The following CPNE4 variants were observed in gnomAD, a reference collection of about 807,000 sequenced individuals.
CPNE4 encodes copine 4, also known as copine-4.
CPNE4 carries 25 observed loss-of-function variants against 67.9 expected under a neutral mutation model. That is an observed-to-expected ratio of 0.37 (90% CI 0.27 to 0.51). The LOEUF is 0.51. Among genes scored for constraint, CPNE4 ranks in the 20% least tolerant of loss-of-function variants. The pLI is 0.93. For synonymous variants in CPNE4, 242 were observed against 244.9 expected, an observed-to-expected ratio of 0.99 and a Z score of 0.11; for missense variants, 464 against 690.8, an observed-to-expected ratio of 0.67 and a Z score of 3.68.
chr3:131,958,378 G>A (rs2107911319), intron 1 of CPNE4, among the ~76,000 whole-genome samples: 1 of 152,198 alleles, frequency 6.6e-6, no homozygotes, highest in African/African-American at 2.4e-5. Flanking sequence ...ACCAGCTGCA[G>A]CAGCATCACT....
At chr3:131,823,734 T>C (rs1283232414) in intron 2 of CPNE4, among the ~76,000 whole-genome samples, 1 of 152,200 alleles carries the variant, frequency 6.6e-6, no homozygotes, top group African/African-American at 2.4e-5. Context: ...TATTTAAAGA[T>C]AAGCATACGC....
Position 132,002,950 on chromosome 3 carries a change from C to A in CPNE4, c.-2+31617G>T, listed in dbSNP as rs181287413. On this transcript the variant is annotated intron_variant, in intron 1 of 15. Coordinates refer to ENST00000429747, the MANE Select transcript of CPNE4 (RefSeq NM_130808.3). The stretch of plus-strand genomic sequence containing the variant: ...CTTAGATCAGCAGCCTCAGCATTAC[C>A]TGGAACCTGAGTAGAAATGCAGAAT... Among the ~76,000 whole-genome samples the A allele has an allele frequency of 2.7e-3, 417 of 152,220 alleles. 2 individuals carry two copies. The highest frequency in any genetic ancestry group is 4.3e-3 in the Non-Finnish European group (291 of 68,010).
intron 7 of CPNE4, among the ~76,000 whole-genome samples, chr3:131,602,931 G>T (rs16837219): frequency 0.13 from 20,208 of 152,112 alleles, 1,923 homozygotes; most frequent in African/African-American, 0.26. Context: ...TACTCAATAA[G>T]GCAGAATAGA....
chr3:131,739,373 A>T (rs2082308946), intron 2 of CPNE4, among the ~76,000 whole-genome samples: 3 of 152,156 alleles, frequency 2.0e-5, no homozygotes, highest in Admixed American at 1.3e-4. Context: ...GCTCACAGAG[A>T]AAAGGCTCTC....
intron 7 of CPNE4, among the ~76,000 whole-genome samples, chr3:131,614,502 G>C (rs1416371421): frequency 6.6e-6 from 1 of 152,048 alleles, no homozygotes; most frequent in Non-Finnish European, 1.5e-5. Flanking sequence ...ACTTGTGCCA[G>C]GAAAAAAAGT....
intron 2 of CPNE4, among the ~76,000 whole-genome samples, chr3:131,776,607 A>C (rs1414182448): frequency 5.9e-5 from 9 of 152,116 alleles, no homozygotes. Flanking sequence ...TGAGAATAAT[A>C]CCCCTAGCGA....
At position 131,662,474 on chromosome 3, in the gene CPNE4, C is replaced by T. The variant is rs975870726; in HGVS notation, c.681+7201G>A. On this transcript the variant is annotated intron_variant, in intron 7 of 15. Transcript: ENST00000429747. ...AGCCTCACAGTAAGGCATCAGAAAC[C>T]GTGCTGAACTACATAAGGGTGGTAC... 1.3e-4 allele frequency among the ~76,000 whole-genome samples: 20 copies of T among 152,256 alleles called. 1 individual carries two copies. The highest frequency in any genetic ancestry group is 3.3e-4 in the Admixed American group (5 of 15,276).
chr3:132,003,512 T>C lies in CPNE4; in HGVS notation c.-2+31055A>G, dbSNP rs190698934. ...CATGATTCAGAGAGCAGGTGTGTGA[T>C]GCCCTTGACAGCTGAGGGCCCTTCT... is the stretch of plus-strand genomic sequence containing the variant. On this transcript the variant is annotated intron_variant, in intron 1 of 15. Coordinates refer to ENST00000429747, the MANE Select transcript of CPNE4 (RefSeq NM_130808.3). 2.6e-3 allele frequency among the ~76,000 whole-genome samples: 395 copies of C among 152,088 alleles called. 1 individual carries two copies. The highest frequency in any genetic ancestry group is 0.019 in the South Asian group (91 of 4,818).
intron 7 of CPNE4, among the ~76,000 whole-genome samples, chr3:131,635,200 GA>G (rs1158448394): frequency 6.6e-6 from 1 of 152,100 alleles, no homozygotes; most frequent in Non-Finnish European, 1.5e-5. Context: ...AAAAGTCTCG[GA>G]AAACCTGCGG....
intron 1 of CPNE4, among the ~76,000 whole-genome samples, chr3:131,963,500 C>G (rs2072245213): frequency 6.6e-6 from 1 of 152,198 alleles, no homozygotes; most frequent in Non-Finnish European, 1.5e-5. Context: ...GCTTGAAATT[C>G]TCACTGCCAG....
At chr3:131,723,799 C>T (rs761205502) in intron 2 of CPNE4, among the ~76,000 whole-genome samples, 174 bp from the exon 3 acceptor site, 10 of 152,050 alleles carry the variant, frequency 6.6e-5, no homozygotes, top group Non-Finnish European at 1.2e-4. Flanking sequence ...GAGAATGAGA[C>T]GAGTTTTAGG....
intron 2 of CPNE4, among the ~76,000 whole-genome samples, chr3:131,872,595 C>A (rs760936535): frequency 6.6e-6 from 1 of 152,216 alleles, no homozygotes; most frequent in Non-Finnish European, 1.5e-5. Flanking sequence ...TCCAAAAATA[C>A]TCTTCTAGAA....
At chr3:132,021,399 T>G (rs1265220063) in intron 1 of CPNE4, among the ~76,000 whole-genome samples, 1 of 144,806 alleles carries the variant, frequency 6.9e-6, no homozygotes, top group African/African-American at 2.4e-5. Context: ...TTGGATTTTT[T>G]GAACCCTATA....
At chr3:131,934,610 G>A (rs1258195496) in intron 1 of CPNE4, among the ~76,000 whole-genome samples, 1 of 151,934 alleles carries the variant, frequency 6.6e-6, no homozygotes, top group Non-Finnish European at 1.5e-5. Context: ...TCCCCTCCCT[G>A]TGTCTATGTA....
At chr3:131,597,462 ATAAT>A (rs1395007465) in intron 7 of CPNE4, among the ~76,000 whole-genome samples, 10 of 152,176 alleles carry the variant, frequency 6.6e-5, no homozygotes, top group African/African-American at 2.4e-4. Flanking sequence ...AAGTATAATA[ATAAT>A]TAAAAAAAGA....
chr3:131,632,969 C>T (rs1410726009), intron 7 of CPNE4, among the ~76,000 whole-genome samples: 1 of 152,132 alleles, frequency 6.6e-6, no homozygotes, highest in Non-Finnish European at 1.5e-5. Flanking sequence ...CCAGACCTTT[C>T]CCCTGAACTG....
At chr3:131,872,282 A>G (rs1191470435) in intron 2 of CPNE4, among the ~76,000 whole-genome samples, 1 of 152,140 alleles carries the variant, frequency 6.6e-6, no homozygotes, top group East Asian at 1.9e-4. Flanking sequence ...GGAGACTGGC[A>G]GTTCACAAGA....
At chr3:131,576,327 A>C (rs924739808) in intron 9 of CPNE4, among the ~76,000 whole-genome samples, 6 of 152,144 alleles carry the variant, frequency 3.9e-5, no homozygotes, top group African/African-American at 1.4e-4. Context: ...CTGTGTCTGC[A>C]TATCAAAGAA....
intron 7 of CPNE4, 81 bp from the exon 8 acceptor site, chr3:131,587,663 A>C: frequency 1.0e-6 from 1 of 988,186 alleles, no homozygotes; most frequent in Non-Finnish European, 1.6e-6. Context: ...CTTTAGGAGA[A>C]AGAGTAGATG....
Sources: gnomAD v4.1 joint callset for allele counts (sites outside exome capture counted in the v4.1 genomes callset) on GRCh38, gnomAD v4.1.1 for gene constraint, MANE v1.5 for transcripts, NCBI Gene and HGNC (gene_info 2026-07-23, HGNC 2026-07-21) for gene names.